Variants in UPK1A observed in about 807,000 individuals in gnomAD.
UPK1A encodes the protein uroplakin 1A.
UPK1A carries 31 observed loss-of-function variants against 32.3 expected under a neutral mutation model. The observed-to-expected ratio is 0.96, with a 90% CI of 0.72 to 1.30. The LOEUF (loss-of-function observed/expected upper bound fraction) is 1.30. UPK1A is among the 50% of genes most tolerant of loss of function. The pLI is 0.00. For synonymous variants in UPK1A, 135 were observed against 137.1 expected (o/e 0.98, Z 0.11); for missense variants, 340 against 357.4 (o/e 0.95, Z 0.39).
exon 6 of UPK1A, chr19:35,675,854 C>T: frequency 6.2e-7 from 1 of 1,611,426 alleles, no homozygotes; most frequent in African/African-American, 1.3e-5. Flanking sequence ...AATGCTGTGG[C>T]ACATCTGGTC....
At chr19:35,669,486 G>A (rs1210164979) in intron 3 of UPK1A, among the ~76,000 whole-genome samples, 2 of 139,814 alleles carry the variant, frequency 1.4e-5, no homozygotes, top group Non-Finnish European at 3.0e-5. Context: ...CCAACATGGC[G>A]AAATCCCATC....
At chr19:35,668,276 G>A (rs1373979524) in intron 2 of UPK1A, 178 bp from the exon 3 acceptor site, 1 of 735,702 alleles carries the variant, frequency 1.4e-6, no homozygotes, top group African/African-American at 1.8e-5. Flanking sequence ...TGGCTGGGCT[G>A]TCTCTTCTCT....
At chr19:35,677,369 T>C (rs1968197291) in intron 6 of UPK1A, among the ~76,000 whole-genome samples, 1 of 147,210 alleles carries the variant, frequency 6.8e-6, no homozygotes. Flanking sequence ...CTACTAAAAA[T>C]ACAAAAATTA....
chr19:35,668,249 C>T (rs1481458381), intron 2 of UPK1A: 6 of 632,814 alleles, frequency 9.5e-6, no homozygotes, highest in East Asian at 8.4e-5. Flanking sequence ...GCAGCTGGGG[C>T]GTGGGGGTCG....
chr19:35,666,611 C>G, intron 1 of UPK1A, 73 bp downstream of exon 1: 1 of 580,856 alleles, frequency 1.7e-6, no homozygotes, highest in South Asian at 2.0e-5. Flanking sequence ...GTGCCAAGTT[C>G]AGGCCAGTGA....
chr19:35,666,584 AG>A, intron 1 of UPK1A, 46 bp downstream of exon 1: 1 of 550,432 alleles, frequency 1.8e-6, no homozygotes, highest in South Asian at 2.1e-5. Flanking sequence ...GAGGGGTCTG[AG>A]GCTCAGGGAG....
chr19:35,669,275 G>C (rs993909195), intron 3 of UPK1A, among the ~76,000 whole-genome samples: 2 of 152,040 alleles, frequency 1.3e-5, no homozygotes, highest in Non-Finnish European at 2.9e-5. Flanking sequence ...GAGCAGATCG[G>C]CTCTTGAGGC....
intron 6 of UPK1A, 158 bp downstream of exon 6, chr19:35,676,177 TTCTTTCTTTC>T: frequency 1.4e-6 from 1 of 723,922 alleles, no homozygotes. Context: ...TTCTTTTTCT[TTCTTTCTTTC>T]TTTCTTTCTT....
chr19:35,677,835 C>T (rs368676781), exon 7 of UPK1A: 85 of 1,612,064 alleles, frequency 5.3e-5, no homozygotes, highest in Non-Finnish European at 5.3e-5. Context: ...ACATCGGCCA[C>T]GCCATCGACA....
exon 6 of UPK1A, chr19:35,675,968 C>G (rs764691019): frequency 1.2e-6 from 2 of 1,613,912 alleles, no homozygotes; most frequent in African/African-American, 2.7e-5. Flanking sequence ...ACTTCATCCC[C>G]CTCAACGAGG....
At chr19:35,675,978 G>A (rs1263372531) in exon 6 of UPK1A, 3 of 1,613,850 alleles carry the variant, frequency 1.9e-6, no homozygotes, top group Admixed American at 3.3e-5. Context: ...CCTCAACGAG[G>A]AGGGCTGCCG....
intron 6 of UPK1A, 93 bp from the exon 7 acceptor site, chr19:35,677,719 G>A: frequency 6.9e-7 from 1 of 1,449,460 alleles, no homozygotes; most frequent in Non-Finnish European, 9.5e-7. Flanking sequence ...GCTCAGGGAA[G>A]GTGGTGACTT....
chr19:35,677,935 T>TGGGGGGGGGGGGGGG, intron 7 of UPK1A, 40 bp downstream of exon 7: 2 of 1,125,586 alleles, frequency 1.8e-6, no homozygotes, highest in East Asian at 2.9e-5. Context: ...GGGCTGGGGG[T>TGGGGGGGGGGGGGGG]GGGGGGCGGA....
chr19:35,674,822 A>T (rs889349383), intron 5 of UPK1A, among the ~76,000 whole-genome samples: 1 of 152,086 alleles, frequency 6.6e-6, no homozygotes, highest in Non-Finnish European at 1.5e-5. Flanking sequence ...CGGGCAGATC[A>T]CTTGAGTTCA....
At chr19:35,677,690 C>T (rs1968202049) in intron 6 of UPK1A, 122 bp from the exon 7 acceptor site, 3 of 1,299,762 alleles carry the variant, frequency 2.3e-6, no homozygotes, top group Non-Finnish European at 2.1e-6. Flanking sequence ...GTCCCCATTG[C>T]ACAAGTGAGA....
At chr19:35,674,547 C>T (rs1467285140) in intron 5 of UPK1A, among the ~76,000 whole-genome samples, 1 of 151,954 alleles carries the variant, frequency 6.6e-6, no homozygotes. Context: ...TTTCAAAGCA[C>T]TTTTAAAGCT....
At chr19:35,674,162 C>T in intron 5 of UPK1A, among the ~76,000 whole-genome samples, 1 of 151,706 alleles carries the variant, frequency 6.6e-6, no homozygotes, top group Non-Finnish European at 1.5e-5. Flanking sequence ...TCTCCCACCT[C>T]CGCCTCTCAA....
At chr19:35,674,221 ATT>A (rs75531382) in intron 5 of UPK1A, among the ~76,000 whole-genome samples, 7 of 125,992 alleles carry the variant, frequency 5.6e-5, no homozygotes, top group Non-Finnish European at 1.2e-4. Context: ...CTCAAAGCAC[ATT>A]TTTTTTTTTC....
intron 3 of UPK1A, among the ~76,000 whole-genome samples, chr19:35,669,749 G>C (rs1300393651): frequency 1.3e-5 from 2 of 152,084 alleles, no homozygotes; most frequent in African/African-American, 2.4e-5. Flanking sequence ...CCATTTACCA[G>C]ATGAGGAAAC....
Sources: allele counts gnomAD v4.1 joint callset (sites outside exome capture counted in the v4.1 genomes callset), GRCh38; gene constraint gnomAD v4.1.1; transcripts MANE v1.5; gene names NCBI Gene and HGNC (gene_info 2026-07-23, HGNC 2026-07-21).